INPP5B: variants seen among roughly 807,000 people sequenced by gnomAD.
The protein encoded by INPP5B is type II inositol 1,4,5-trisphosphate 5-phosphatase.
A neutral mutation model predicts 118.5 loss-of-function variants in INPP5B; 90 were observed. The observed-to-expected ratio is 0.76, with a 90% CI of 0.64 to 0.90. INPP5B has a LOEUF of 0.90. Among genes scored for constraint, INPP5B ranks in the 40% least tolerant of loss-of-function variants. The probability of loss-of-function intolerance (pLI) is 0.00; values close to 1 mark genes in which losing one functional copy is unlikely to be tolerated. For missense variants in INPP5B, 984 were observed against 1,125.6 expected, an observed-to-expected ratio of 0.87 and a Z score of 1.80; for synonymous variants, 385 against 418.9, an observed-to-expected ratio of 0.92 and a Z score of 0.99.
At chr1:37,875,775 G>A (rs1441043178) in intron 16 of INPP5B, 59 bp from the exon 17 acceptor site, 13 of 1,240,396 alleles carry the variant, frequency 1.0e-5, no homozygotes, top group Non-Finnish European at 1.4e-5. Context: ...CTCTTTCTCA[G>A]TATAGACGGC....
chr1:37,894,640 C>A (rs932084148), intron 7 of INPP5B, among the ~76,000 whole-genome samples: 1 of 149,788 alleles, frequency 6.7e-6, no homozygotes, highest in African/African-American at 2.5e-5. Context: ...TGGCTCTTTG[C>A]AACCTCTGCC....
In INPP5B at chr1:37,866,406, T is replaced by TCA. The variant is rs57582108; in HGVS notation, c.2386+51_2386+52dup. 2,216 of 401,314 alleles carry TCA rather than the reference T, an allele frequency of 5.5e-3. 14 individuals are homozygous for TCA. Among genetic ancestry groups the TCA allele is most frequent in the African/African-American group, 0.029 (952 of 33,398 alleles). The allele number at this position is 401,314 out of a possible 1,614,324, so 24.9% of individuals were successfully genotyped here. A position where few individuals can be genotyped will look rare whatever the true frequency, so the allele number is the denominator to read the frequency against. On this transcript the variant is annotated intron_variant, in intron 21 of 23. Coordinates refer to ENST00000373024, the MANE Select transcript of INPP5B (RefSeq NM_005540.3). ...CATATTCTCTCTCTCTCTCTCTCTC[T>TCA]CACACACACACACACACACACACAC...
intron 7 of INPP5B, among the ~76,000 whole-genome samples, chr1:37,920,741 C>T (rs1360777644): frequency 2.0e-5 from 3 of 151,936 alleles, no homozygotes; most frequent in Non-Finnish European, 4.4e-5. Context: ...TTTTCGACTC[C>T]GCCAATGACC....
At chr1:37,923,891 T>C (rs1645137213) in intron 7 of INPP5B, among the ~76,000 whole-genome samples, 1 of 151,668 alleles carries the variant, frequency 6.6e-6, no homozygotes, top group Non-Finnish European at 1.5e-5. Flanking sequence ...TTCTTCTGTC[T>C]CAGCTTCCCA....
chr1:37,865,491 G>A (rs1641972533), intron 22 of INPP5B, among the ~76,000 whole-genome samples: 1 of 152,214 alleles, frequency 6.6e-6, no homozygotes, highest in Middle Eastern at 3.2e-3. Context: ...GAATGGAAGA[G>A]AGAGGATGGG....
chr1:37,925,772 A>G (rs1557705779), intron 7 of INPP5B, among the ~76,000 whole-genome samples: 1 of 152,238 alleles, frequency 6.6e-6, no homozygotes, highest in Non-Finnish European at 1.5e-5. Flanking sequence ...GAAGAAAAAA[A>G]GAATCTTTAG....
intron 5 of INPP5B, 29 bp from the exon 6 acceptor site, chr1:37,940,827 T>C: frequency 6.5e-7 from 1 of 1,527,880 alleles, no homozygotes; most frequent in Non-Finnish European, 9.1e-7. Context: ...AAATGAACCC[T>C]TGGCTGCCAG....
At chr1:37,936,871 G>A (rs1025862190) in intron 6 of INPP5B, among the ~76,000 whole-genome samples, 4 of 151,780 alleles carry the variant, frequency 2.6e-5, no homozygotes, top group African/African-American at 9.7e-5. Context: ...CTGGCCTGGA[G>A]TAGAACTATA....
intron 20 of INPP5B, among the ~76,000 whole-genome samples, chr1:37,867,348 G>A (rs1211090429): frequency 2.6e-5 from 4 of 152,202 alleles, no homozygotes; most frequent in Non-Finnish European, 1.5e-5. Context: ...AATATTATAT[G>A]TATTGCTCAA....
At chr1:37,872,851 A>G in intron 19 of INPP5B, 79 bp downstream of exon 19, 1 of 1,031,312 alleles carries the variant, frequency 9.7e-7, no homozygotes, top group Non-Finnish European at 1.5e-6. Context: ...GTCCCTAGGA[A>G]GGTAGGCATA....
At chr1:37,913,531 C>T (rs1021519890) in intron 7 of INPP5B, among the ~76,000 whole-genome samples, 6 of 152,032 alleles carry the variant, frequency 3.9e-5, no homozygotes, top group East Asian at 1.9e-4. Context: ...CTTACAAAAC[C>T]GCATCCAGGC....
intron 3 of INPP5B, among the ~76,000 whole-genome samples, chr1:37,944,848 G>A (rs1646062456): frequency 6.6e-6 from 1 of 151,322 alleles, no homozygotes; most frequent in Non-Finnish European, 1.5e-5. Context: ...CGAACTCCTA[G>A]GCTCAAGCAA....
In INPP5B at chr1:37,931,971, C is replaced by A. The variant is rs769170231; in HGVS notation, c.474G>T (p.Thr158=). Residue 158 remains threonine, a synonymous_variant, in exon 7 of 24, where the codon ACG becomes ACT. Transcript: ENST00000373024. The part of the protein sequence containing the change: ...RCAELELEMP[T]PRGCNSALVT... ...CTAGGGCCGAGTTACAACCGCGCGG[C>A]GTTGGCATCTCCAGCTCCAGCTCTG... 6.2e-6 allele frequency: 10 copies of A among 1,613,974 alleles called. No homozygotes were observed. The highest frequency in any genetic ancestry group is 1.7e-5 in the Admixed American group (1 of 60,014).
At chr1:37,868,204 C>G (rs1365974710) in intron 20 of INPP5B, among the ~76,000 whole-genome samples, 2 of 151,536 alleles carry the variant, frequency 1.3e-5, no homozygotes, top group East Asian at 1.9e-4. Flanking sequence ...TCCCAGCTAC[C>G]TGGGAGACTG....
At chr1:37,895,204 C>G (rs995305429) in intron 7 of INPP5B, among the ~76,000 whole-genome samples, 2 of 152,136 alleles carry the variant, frequency 1.3e-5, no homozygotes, top group African/African-American at 4.8e-5. Flanking sequence ...GCAGAGGAGC[C>G]ATGACTCTCA....
chr1:37,922,355 C>T (rs1226107417), intron 7 of INPP5B, among the ~76,000 whole-genome samples: 5 of 151,146 alleles, frequency 3.3e-5, no homozygotes, highest in Admixed American at 3.3e-4. Context: ...TGTCACTGCA[C>T]TCCAGCCTGG....
chr1:37,876,640 A>C, intron 16 of INPP5B, among the ~76,000 whole-genome samples: 1 of 141,358 alleles, frequency 7.1e-6, no homozygotes, highest in Non-Finnish European at 1.5e-5. Flanking sequence ...TGGGCATATC[A>C]CGAGGTCAGG....
chr1:37,885,227 C>G (rs61776664), intron 13 of INPP5B: 2 of 155,026 alleles, frequency 1.3e-5, no homozygotes, highest in Admixed American at 1.3e-4. Flanking sequence ...TCCTGGCTAA[C>G]ACAGTGAAAC....
At position 37,885,734 on chromosome 1, in the gene INPP5B, T is replaced by C; in HGVS notation, c.1223A>G (p.Tyr408Cys). ...NSHLAAHIEE[Y>C]ERRNQDYKDI... The stretch of plus-strand genomic sequence containing the variant: ...CTTATAGTCCTGGTTCCTCCTCTCA[T>C]ACTCTTCAATGTGGGCTGCCAAGTG... The change falls in exon 13 of 24, where the codon TAT becomes TGT. Residue 408 changes from tyrosine to cysteine, a missense_variant. By Grantham distance (194) the Tyr-to-Cys change is radical. Transcript: ENST00000373024. 1 of 1,614,216 alleles carries C rather than the reference T, an allele frequency of 6.2e-7. No homozygotes were observed.
Sources: gnomAD v4.1 joint callset for allele counts (sites outside exome capture counted in the v4.1 genomes callset) on GRCh38, gnomAD v4.1.1 for gene constraint, MANE v1.5 for transcripts, NCBI Gene and HGNC (gene_info 2026-07-23, HGNC 2026-07-21) for gene names.